Variants in APBA1 observed in about 807,000 individuals in gnomAD.
The protein encoded by APBA1 is amyloid beta precursor protein binding family A member 1.
In APBA1, 55 loss-of-function variants were observed where a neutral mutation model predicts 86.6. The ratio of observed to expected loss-of-function variants is 0.64; its 90% CI spans 0.51 to 0.80. The LOEUF is 0.80. APBA1 is among the 30% of genes least tolerant of loss of function. The pLI is 0.00. For synonymous variants in APBA1, 511 were observed against 493.9 expected (o/e 1.03, Z -0.46); for missense variants, 1,090 against 1,183.0 (o/e 0.92, Z 1.15).
chr9:69,432,154 G>T (rs1834612382), intron 12 of APBA1, among the ~76,000 whole-genome samples: 1 of 152,230 alleles, frequency 6.6e-6, no homozygotes, highest in Non-Finnish European at 1.5e-5. Flanking sequence ...ACCTCTGGAA[G>T]GCCACTTTGT....
intron 2 of APBA1, among the ~76,000 whole-genome samples, chr9:69,484,982 A>AC (rs1227978288): frequency 6.7e-6 from 1 of 149,180 alleles, no homozygotes; most frequent in East Asian, 2.0e-4. Context: ...AAACTGAAAA[A>AC]CTTTTTTTTT....
chr9:69,605,405 A>G (rs1243203152), intron 1 of APBA1, among the ~76,000 whole-genome samples: 2 of 152,236 alleles, frequency 1.3e-5, no homozygotes, highest in Admixed American at 1.3e-4. Flanking sequence ...CAACAAACCT[A>G]CAAAGCCAAT....
intron 2 of APBA1, among the ~76,000 whole-genome samples, chr9:69,505,306 T>G (rs1190963317): frequency 1.3e-5 from 2 of 152,108 alleles, no homozygotes; most frequent in African/African-American, 4.8e-5. Context: ...AAGCATTGTC[T>G]TAGCTGCTCC....
At chr9:69,552,395 G>T (rs1836799530) in intron 1 of APBA1, among the ~76,000 whole-genome samples, 1 of 152,168 alleles carries the variant, frequency 6.6e-6, no homozygotes, top group African/African-American at 2.4e-5. Flanking sequence ...AAATGAAGAT[G>T]TCCTGCACGA....
At chr9:69,588,025 C>CAAA (rs35212894) in intron 1 of APBA1, among the ~76,000 whole-genome samples, 15 of 106,604 alleles carry the variant, frequency 1.4e-4, no homozygotes, top group South Asian at 6.8e-4. Flanking sequence ...GACTCTGTCT[C>CAAA]AAAAAAAAAA....
intron 1 of APBA1, among the ~76,000 whole-genome samples, chr9:69,628,502 G>C (rs923292770): frequency 4.6e-5 from 7 of 152,216 alleles, no homozygotes; most frequent in African/African-American, 1.7e-4. Context: ...TGGCTGGAGA[G>C]TTCTGGGCTA....
intron 1 of APBA1, among the ~76,000 whole-genome samples, chr9:69,608,353 A>G (rs1822516146): frequency 6.6e-6 from 1 of 152,190 alleles, no homozygotes; most frequent in African/African-American, 2.4e-5. Context: ...TTTACTATTT[A>G]TTTGATTGAA....
chr9:69,497,117 C>G (rs1835811640), intron 2 of APBA1, among the ~76,000 whole-genome samples: 1 of 151,998 alleles, frequency 6.6e-6, no homozygotes. Flanking sequence ...TGTTTTTATT[C>G]TTTCTTCCCT....
chr9:69,642,082 C>G lies in APBA1; in HGVS notation c.-70+30071G>C, dbSNP rs1241257707. On this transcript the variant is annotated intron_variant, in intron 1 of 12. Transcript: ENST00000265381. The stretch of plus-strand genomic sequence containing the variant: ...GCATGAAGACTTCTTAAACAGGACA[C>G]AAAAAATGTACAAACTATAAAAGCA... Among the ~76,000 whole-genome samples, 3 of 152,094 alleles carry G rather than the reference C, an allele frequency of 2.0e-5. 1 individual carries two copies. The highest frequency in any genetic ancestry group is 7.2e-5 in the African/African-American group (3 of 41,400).
Position 69,669,283 on chromosome 9 carries a change from A to T in APBA1, c.-70+2870T>A, listed in dbSNP as rs144218104. On this transcript the variant is annotated intron_variant, in intron 1 of 12. Coordinates refer to ENST00000265381, the MANE Select transcript of APBA1 (RefSeq NM_001163.4). The stretch of plus-strand genomic sequence containing the variant: ...CTATCTCCCCAAGGTACTACAGTTA[A>T]TTCCTTTTGGCCCCAGAGGTCAATT... 1.6e-4 allele frequency among the ~76,000 whole-genome samples: 24 copies of T among 152,320 alleles called. 1 individual carries two copies. The East Asian group carries it at 4.4e-3, about 28-fold the overall frequency.
intron 1 of APBA1, among the ~76,000 whole-genome samples, chr9:69,538,674 A>C (rs1836551514): frequency 6.6e-6 from 1 of 152,188 alleles, no homozygotes; most frequent in Non-Finnish European, 1.5e-5. Flanking sequence ...GTAGTGTCAA[A>C]ACTGTCCTGA....
intron 1 of APBA1, among the ~76,000 whole-genome samples, chr9:69,639,227 C>G (rs1368006376): frequency 1.3e-5 from 2 of 152,124 alleles, no homozygotes; most frequent in African/African-American, 4.8e-5. Flanking sequence ...GTGAATTTTT[C>G]TCTTTTAAAA....
intron 1 of APBA1, among the ~76,000 whole-genome samples, chr9:69,587,750 C>A (rs4614062): frequency 6.6e-6 from 1 of 152,022 alleles, no homozygotes; most frequent in Non-Finnish European, 1.5e-5. Context: ...ATTGGCCCGG[C>A]GTGGTGGCTC....
chr9:69,486,578 G>T (rs1835613424), intron 2 of APBA1, among the ~76,000 whole-genome samples: 1 of 152,074 alleles, frequency 6.6e-6, no homozygotes, highest in South Asian at 2.1e-4. Context: ...TTCTGCAGGA[G>T]GGGAGGGGTG....
chr9:69,534,274 T>C (rs1836474809), intron 1 of APBA1, among the ~76,000 whole-genome samples: 1 of 152,114 alleles, frequency 6.6e-6, no homozygotes, highest in Non-Finnish European at 1.5e-5. Flanking sequence ...AAATTGAAGC[T>C]CACCCTTCAC....
intron 1 of APBA1, among the ~76,000 whole-genome samples, chr9:69,522,854 G>T (rs968762897): frequency 1.3e-5 from 2 of 151,748 alleles, no homozygotes; most frequent in African/African-American, 4.8e-5. Context: ...AGGAAGAGCG[G>T]CTGATGGAAG....
chr9:69,664,814 A>G (rs969674332), intron 1 of APBA1, among the ~76,000 whole-genome samples: 4 of 152,212 alleles, frequency 2.6e-5, no homozygotes, highest in Non-Finnish European at 5.9e-5. Flanking sequence ...ACCTCAGATA[A>G]CTGAGGGTGG....
intron 1 of APBA1, among the ~76,000 whole-genome samples, chr9:69,541,316 G>A (rs368116548): frequency 6.2e-5 from 3 of 48,294 alleles, no homozygotes; most frequent in Non-Finnish European, 8.7e-5. Context: ...ATAGTATACA[G>A]GGGTTTCCAA....
chr9:69,455,090 G>C (rs1046440935), intron 8 of APBA1, among the ~76,000 whole-genome samples: 48 of 152,166 alleles, frequency 3.2e-4, no homozygotes, highest in African/African-American at 1.1e-3. Context: ...AAGCAGGATG[G>C]CTGCTGACAC....
Sources: gnomAD v4.1 joint callset for allele counts (sites outside exome capture counted in the v4.1 genomes callset) on GRCh38, gnomAD v4.1.1 for gene constraint, MANE v1.5 for transcripts, NCBI Gene and HGNC (gene_info 2026-07-23, HGNC 2026-07-21) for gene names.